C7orf78: variants seen among roughly 807,000 people sequenced by gnomAD.
The protein encoded by C7orf78 is chromosome 7 open reading frame 78.
At chr7:12,538,525 T>C in the C7orf78 span, 1 of 152,212 alleles carries the variant, frequency 6.6e-6, no homozygotes, top group Non-Finnish European at 1.5e-5. Flanking sequence ...TGACTACTTA[T>C]GGAGGACATT....
the C7orf78 span, chr7:12,523,188 G>C: frequency 5.0e-6 from 2 of 398,168 alleles, no homozygotes; most frequent in East Asian, 3.6e-5. Flanking sequence ...ACATCTTTGA[G>C]AATTCCAGAA....
At chr7:12,512,440 G>C in the C7orf78 span, among the ~76,000 whole-genome samples, 2 of 152,144 alleles carry the variant, frequency 1.3e-5, no homozygotes, top group African/African-American at 4.8e-5. Flanking sequence ...CATCTGTTGA[G>C]ATGATCAAAT....
At chr7:12,514,314 C>T in the C7orf78 span, among the ~76,000 whole-genome samples, 3 of 151,960 alleles carry the variant, frequency 2.0e-5, no homozygotes, top group East Asian at 1.9e-4. Context: ...TATTCTTTAT[C>T]TTTTATTTTT....
the C7orf78 span, among the ~76,000 whole-genome samples, chr7:12,492,638 G>C: frequency 6.6e-6 from 1 of 152,172 alleles, no homozygotes; most frequent in Non-Finnish European, 1.5e-5. Context: ...CTCACTCCCA[G>C]AAAGAATGTT....
chr7:12,497,510 T>C, the C7orf78 span, among the ~76,000 whole-genome samples: 2 of 152,220 alleles, frequency 1.3e-5, no homozygotes, highest in South Asian at 4.1e-4. Flanking sequence ...CCCACTCGAA[T>C]ACTGCGCTTT....
the C7orf78 span, among the ~76,000 whole-genome samples, chr7:12,508,681 C>A: frequency 6.6e-6 from 1 of 152,142 alleles, no homozygotes; most frequent in South Asian, 2.1e-4. Context: ...CCAGGCCACA[C>A]AACAGGAGGT....
the C7orf78 span, among the ~76,000 whole-genome samples, chr7:12,484,443 A>G: frequency 2.6e-5 from 4 of 152,228 alleles, no homozygotes; most frequent in East Asian, 1.9e-4. Context: ...TGCAACAGAG[A>G]TAACTCTTCT....
the C7orf78 span, among the ~76,000 whole-genome samples, chr7:12,539,302 A>C: frequency 3.3e-5 from 5 of 152,158 alleles, no homozygotes; most frequent in African/African-American, 1.2e-4. Context: ...ATCTCTACTA[A>C]AAATACAAAA....
chr7:12,534,432 C>A, the C7orf78 span, among the ~76,000 whole-genome samples: 4 of 152,034 alleles, frequency 2.6e-5, no homozygotes, highest in South Asian at 4.1e-4. Flanking sequence ...TAAATGATAT[C>A]TTTAAAAGAA....
the C7orf78 span, chr7:12,531,023 G>T: frequency 2.5e-6 from 1 of 398,414 alleles, no homozygotes; most frequent in Non-Finnish European, 4.4e-6. Context: ...AGACATAGAA[G>T]GCAGCGTGAT....
chr7:12,493,910 A>G, the C7orf78 span, among the ~76,000 whole-genome samples: 1 of 152,232 alleles, frequency 6.6e-6, no homozygotes, highest in Non-Finnish European at 1.5e-5. Context: ...TATTTCTTAA[A>G]CTTTCCTAGT....
At chr7:12,525,941 A>C in the C7orf78 span, 3 of 396,152 alleles carry the variant, frequency 7.6e-6, no homozygotes, top group Non-Finnish European at 1.3e-5. Flanking sequence ...TGGAAAAAAA[A>C]CTCTGCATTC....
chr7:12,503,790 T>C, the C7orf78 span, among the ~76,000 whole-genome samples: 1 of 152,046 alleles, frequency 6.6e-6, no homozygotes, highest in African/African-American at 2.4e-5. Flanking sequence ...TTTTGATTAA[T>C]AAAAAGGAGG....
the C7orf78 span, among the ~76,000 whole-genome samples, chr7:12,516,620 A>T: frequency 6.6e-6 from 1 of 152,234 alleles, no homozygotes. Flanking sequence ...CCGTGAAAGC[A>T]GCTGGGAGGA....
the C7orf78 span, chr7:12,487,015 T>A: frequency 6.6e-6 from 1 of 151,966 alleles, no homozygotes; most frequent in Non-Finnish European, 1.5e-5. Context: ...TATCCATTTG[T>A]GTATATGGAG....
the C7orf78 span, among the ~76,000 whole-genome samples, chr7:12,509,331 T>C: frequency 1.3e-5 from 2 of 152,218 alleles, no homozygotes; most frequent in Admixed American, 1.3e-4. Context: ...ATTTCAGTAA[T>C]TAGGTTTTTG....
At chr7:12,516,915 G>GA in the C7orf78 span, among the ~76,000 whole-genome samples, 3 of 152,186 alleles carry the variant, frequency 2.0e-5, no homozygotes, top group East Asian at 5.8e-4. Flanking sequence ...ATAGGCGGAA[G>GA]GGAGTTGCCT....
the C7orf78 span, among the ~76,000 whole-genome samples, chr7:12,489,838 A>T: frequency 2.4e-4 from 37 of 152,080 alleles, no homozygotes; most frequent in African/African-American, 8.9e-4. Context: ...TGGGTGGGGA[A>T]GTAATGAAGC....
chr7:12,539,377 T>G, the C7orf78 span, among the ~76,000 whole-genome samples: 1 of 152,062 alleles, frequency 6.6e-6, no homozygotes, highest in African/African-American at 2.4e-5. Flanking sequence ...GGCAGGAGAA[T>G]GGCATGAACC....
Sources: allele counts gnomAD v4.1 joint callset (sites outside exome capture counted in the v4.1 genomes callset), GRCh38; gene constraint gnomAD v4.1.1; transcripts MANE v1.5; gene names NCBI Gene and HGNC (gene_info 2026-07-23, HGNC 2026-07-21).